RFX3: variants seen among roughly 807,000 people sequenced by gnomAD.
RFX3 encodes regulatory factor X3.
Under a neutral mutation model 98.6 loss-of-function variants are expected in RFX3, and 14 were observed. That is an observed-to-expected ratio of 0.14 (90% CI 0.09 to 0.22). RFX3 has a LOEUF of 0.22. Among genes scored for constraint, RFX3 ranks in the 10% least tolerant of loss-of-function variants. RFX3 has a pLI of 1.00. For missense variants in RFX3, 639 were observed against 926.9 expected, an observed-to-expected ratio of 0.69 and a Z score of 4.03; for synonymous variants, 383 against 328.4, an observed-to-expected ratio of 1.17 and a Z score of -1.80.
At chr9:3,425,935 T>G (rs961447448) in intron 1 of RFX3, among the ~76,000 whole-genome samples, 1 of 152,204 alleles carries the variant, frequency 6.6e-6, no homozygotes, top group African/African-American at 2.4e-5. Context: ...AAACAAATTT[T>G]TAATTAGTTA....
At chr9:3,405,839 G>C (rs932018183) in intron 1 of RFX3, among the ~76,000 whole-genome samples, 45 of 152,220 alleles carry the variant, frequency 3.0e-4, no homozygotes, top group African/African-American at 1.1e-3. Flanking sequence ...TACTTAACAA[G>C]GCTTAGGAGG....
intron 7 of RFX3, among the ~76,000 whole-genome samples, chr9:3,279,929 A>G (rs1241820092): frequency 6.6e-6 from 1 of 151,880 alleles, no homozygotes; most frequent in East Asian, 1.9e-4. Context: ...ATCAACTTTT[A>G]GGGCAAAGAA....
chr9:3,379,586 T>C (rs1415573059), intron 2 of RFX3, among the ~76,000 whole-genome samples: 2 of 152,198 alleles, frequency 1.3e-5, no homozygotes, highest in Non-Finnish European at 2.9e-5. Context: ...AAATCTCAGT[T>C]ATAATGTGGT....
intron 1 of RFX3, among the ~76,000 whole-genome samples, chr9:3,524,821 T>C (rs1272844723): frequency 9.0e-6 from 1 of 111,012 alleles, no homozygotes; most frequent in African/African-American, 3.6e-5. Context: ...CCGGTTTAAA[T>C]CACAAGCACA....
Position 3,277,417 on chromosome 9 carries a change from G to C in RFX3, c.896C>G (p.Thr299Arg). Residue 299 changes from threonine to arginine, a missense_variant, in exon 8 of 17, where the codon ACA (threonine) becomes AGA (arginine). Physicochemically the swap from Thr to Arg is moderately conservative, Grantham distance 71. Transcript: ENST00000617270. ...QKVDGVADGF[T>R]GSGQQTGTSV... ...TGTGCCTGTCTGTTGACCACTTCCT[G>C]TGAAACCATCTGCAACCCCATCCAC... The C allele has an allele frequency of 6.2e-7, 1 of 1,612,532 alleles. No homozygotes were observed. Among genetic ancestry groups the C allele is most frequent in the South Asian group, 1.1e-5 (1 of 91,038 alleles).
chr9:3,250,511 T>C (rs1368699105), intron 14 of RFX3, among the ~76,000 whole-genome samples: 1 of 152,110 alleles, frequency 6.6e-6, no homozygotes, highest in Non-Finnish European at 1.5e-5. Flanking sequence ...CCTATGAATA[T>C]AAATTCATAA....
chr9:3,500,092 A>G (rs1480116360), intron 1 of RFX3, among the ~76,000 whole-genome samples: 1 of 152,186 alleles, frequency 6.6e-6, no homozygotes, highest in East Asian at 1.9e-4. Flanking sequence ...CAGAGCAACA[A>G]ACAGAGGAAT....
chr9:3,454,922 C>G (rs920649534), intron 1 of RFX3, among the ~76,000 whole-genome samples: 2 of 152,166 alleles, frequency 1.3e-5, no homozygotes, highest in Admixed American at 6.5e-5. Flanking sequence ...GAGACTCATA[C>G]CCAAGTCTCC....
intron 2 of RFX3, among the ~76,000 whole-genome samples, chr9:3,388,869 A>G (rs1459444852): frequency 6.6e-6 from 1 of 152,130 alleles, no homozygotes; most frequent in Non-Finnish European, 1.5e-5. Context: ...ATTTAGAAGA[A>G]ACAATATAGA....
chr9:3,501,531 A>C (rs1356562049), intron 1 of RFX3, among the ~76,000 whole-genome samples: 1 of 151,880 alleles, frequency 6.6e-6, no homozygotes, highest in Non-Finnish European at 1.5e-5. Flanking sequence ...TTGATATACA[A>C]AAAGATACAT....
chr9:3,434,508 T>C (rs1262959828), intron 1 of RFX3, among the ~76,000 whole-genome samples: 1 of 152,132 alleles, frequency 6.6e-6, no homozygotes, highest in African/African-American at 2.4e-5. Context: ...TAAATTCTTC[T>C]ACTATGTTCC....
At chr9:3,228,443 A>C (rs914975796) in intron 16 of RFX3, among the ~76,000 whole-genome samples, 8 of 152,132 alleles carry the variant, frequency 5.3e-5, no homozygotes, top group Admixed American at 2.0e-4. Flanking sequence ...CTTTTTCTAC[A>C]CACAAGTAGG....
chr9:3,424,730 A>T (rs947501135), intron 1 of RFX3, among the ~76,000 whole-genome samples: 3 of 152,166 alleles, frequency 2.0e-5, no homozygotes, highest in African/African-American at 7.2e-5. Flanking sequence ...AATGGCAAAT[A>T]CAAGCTATTT....
intron 2 of RFX3, among the ~76,000 whole-genome samples, chr9:3,377,360 C>T (rs546550892): frequency 2.6e-4 from 39 of 152,182 alleles, no homozygotes; most frequent in South Asian, 1.5e-3. Context: ...AACCAAACAC[C>T]GCATGTTCTC....
intron 15 of RFX3, among the ~76,000 whole-genome samples, chr9:3,233,958 T>C (rs926805455): frequency 9.2e-5 from 14 of 152,194 alleles, no homozygotes; most frequent in African/African-American, 3.4e-4. Context: ...ATCCCAGTAC[T>C]CTGAAAGGAT....
chr9:3,488,276 G>T (rs1850442310), intron 1 of RFX3, among the ~76,000 whole-genome samples: 1 of 152,070 alleles, frequency 6.6e-6, no homozygotes, highest in Non-Finnish European at 1.5e-5. Context: ...CCAAGAGAAG[G>T]ACTTCACCAA....
At chr9:3,438,440 G>C (rs555724623) in intron 1 of RFX3, among the ~76,000 whole-genome samples, 15 of 151,894 alleles carry the variant, frequency 9.9e-5, no homozygotes, top group African/African-American at 3.6e-4. Flanking sequence ...AAAATATGGT[G>C]TAAAAACAGA....
At chr9:3,471,880 T>C (rs969969292) in intron 1 of RFX3, among the ~76,000 whole-genome samples, 1 of 152,268 alleles carries the variant, frequency 6.6e-6, no homozygotes, top group Non-Finnish European at 1.5e-5. Flanking sequence ...GATTACTGAA[T>C]GATCTTATTT....
chr9:3,288,087 GAA>G (rs1341112176), intron 7 of RFX3, 42 bp downstream of exon 7: 1 of 1,594,168 alleles, frequency 6.3e-7, no homozygotes, highest in African/African-American at 1.3e-5. Flanking sequence ...GAACAACTAA[GAA>G]ATACATAGCT....
Sources: gnomAD v4.1 joint callset for allele counts (sites outside exome capture counted in the v4.1 genomes callset) on GRCh38, gnomAD v4.1.1 for gene constraint, MANE v1.5 for transcripts, NCBI Gene and HGNC (gene_info 2026-07-23, HGNC 2026-07-21) for gene names.